Variants in KRCC1 observed in about 807,000 individuals in gnomAD.
KRCC1 encodes the protein lysine-rich coiled-coil protein 1.
In KRCC1, 3 loss-of-function variants were observed where a neutral mutation model predicts 7.4. That is an observed-to-expected ratio of 0.40 (90% CI 0.18 to 1.04). KRCC1 has a LOEUF of 1.04. KRCC1 is among the 50% of genes least tolerant of loss of function. The probability of loss-of-function intolerance (pLI) is 0.33; values close to 1 mark genes in which losing one functional copy is unlikely to be tolerated. For synonymous variants in KRCC1, 102 were observed against 101.6 expected, an observed-to-expected ratio of 1.00 and a Z score of -0.02; for missense variants, 277 against 300.9, an observed-to-expected ratio of 0.92 and a Z score of 0.59.
In KRCC1 at chr2:88,055,694, A is replaced by T. The variant is rs1024229179; in HGVS notation, c.-359T>A. 1 of 153,140 alleles carries T rather than the reference A, an allele frequency of 6.5e-6. No homozygotes were observed. The highest frequency in any genetic ancestry group is 2.4e-5 in the African/African-American group (1 of 41,402). 9.5% of individuals were successfully genotyped at this position (153,140 alleles called of 1,614,324 possible). A position where few individuals can be genotyped will look rare whatever the true frequency, so the allele number is the denominator to read the frequency against. On this transcript the variant is annotated 5_prime_UTR_variant, in exon 1 of 4. Coordinates refer to ENST00000347055, the MANE Select transcript of KRCC1 (RefSeq NM_016618.3). ...CCCCGCCAACGCCGCCAGCCAGGGG[A>T]TAAGCCGCGGTGGAGGTGGCGGAGA...
chr2:88,052,765 C>A (rs995031948), intron 1 of KRCC1, among the ~76,000 whole-genome samples: 1 of 152,196 alleles, frequency 6.6e-6, no homozygotes, highest in African/African-American at 2.4e-5. Context: ...ATAACTGTTA[C>A]ATGCATGTTG....
Position 88,028,025 on chromosome 2 carries a change from C to A in KRCC1, c.539G>T (p.Arg180Ile). The change falls in exon 4 of 4, where the codon AGA (arginine) becomes ATA (isoleucine). Residue 180 changes from arginine to isoleucine, a missense_variant. Coordinates refer to ENST00000347055, the MANE Select transcript of KRCC1 (RefSeq NM_016618.3). ...KSEEERSKHK[R>I]KKSCEEIDLD... ...GTCAATTTCCTCGCAGCTTTTTTTT[C>A]TCTTATGCTTAGACCGCTCCTCCTC... is the stretch of plus-strand genomic sequence containing the variant. The A allele has an allele frequency of 3.1e-6, 5 of 1,613,320 alleles. No individual in the cohort carries two copies. Among genetic ancestry groups the A allele is most frequent in the Non-Finnish European group, 4.2e-6 (5 of 1,179,860 alleles).
Position 88,033,479 on chromosome 2 carries a change from T to C in KRCC1, c.-23+655A>G, listed in dbSNP as rs574660685. ...AGGTGGAGGTTGCAGTGAGCCAAGA[T>C]TGCACCATTGCACTCCAGCCTGGGT... is the stretch of plus-strand genomic sequence containing the variant. On this transcript the variant is annotated intron_variant, in intron 3 of 3. Coordinates refer to ENST00000347055, the MANE Select transcript of KRCC1 (RefSeq NM_016618.3). 7.2e-5 allele frequency among the ~76,000 whole-genome samples: 11 copies of C among 152,258 alleles called. No individual in the cohort carries two copies. In the East Asian group the frequency reaches 1.9e-3, roughly 27 times the overall value.
intron 3 of KRCC1, among the ~76,000 whole-genome samples, chr2:88,032,698 C>T (rs1039312210): frequency 6.6e-6 from 1 of 152,012 alleles, no homozygotes; most frequent in Admixed American, 6.6e-5. Flanking sequence ...AGTGGTATAA[C>T]GATACAATGA....
At chr2:88,054,794 T>C (rs1486768152) in intron 1 of KRCC1, among the ~76,000 whole-genome samples, 1 of 152,208 alleles carries the variant, frequency 6.6e-6, no homozygotes, top group Non-Finnish European at 1.5e-5. Flanking sequence ...CGTGTATCTC[T>C]GACATTGGTA....
intron 1 of KRCC1, among the ~76,000 whole-genome samples, chr2:88,042,195 G>C (rs1014880390): frequency 1.3e-5 from 2 of 151,688 alleles, no homozygotes; most frequent in Admixed American, 1.3e-4. Context: ...TGAGTAGCTG[G>C]GACTACAGGC....
chr2:88,044,964 T>C (rs1406567530), intron 1 of KRCC1, among the ~76,000 whole-genome samples: 21 of 150,668 alleles, frequency 1.4e-4, no homozygotes. Flanking sequence ...GCTCAAATTA[T>C]CCTTCCATCT....
At chr2:88,050,224 G>A (rs1013133671) in intron 1 of KRCC1, among the ~76,000 whole-genome samples, 6 of 152,140 alleles carry the variant, frequency 3.9e-5, no homozygotes, top group East Asian at 1.9e-4. Context: ...GGAAACAAAC[G>A]AAAATATTTT....
rs1173602780 is a variant in KRCC1, at chr2:88,055,616, G to A, written c.-291+10C>T. ...ACCGGGCCGCCCCCGCCGCCGGGGCGGGAACTCACCTTCTCTGAGGCAGGG... is the reference window on the plus strand; with the variant it reads ...ACCGGGCCGCCCCCGCCGCCGGGGCAGGAACTCACCTTCTCTGAGGCAGGG... On this transcript the variant is annotated intron_variant, in intron 1 of 3. Coordinates refer to ENST00000347055, the MANE Select transcript of KRCC1 (RefSeq NM_016618.3). 1 of 152,280 alleles carries A rather than the reference G, an allele frequency of 6.6e-6. No homozygotes were observed. The highest frequency in any genetic ancestry group is 1.5e-5 in the Non-Finnish European group (1 of 68,214). The allele number at this position is 152,280 out of a possible 1,614,324, so 9.4% of individuals were successfully genotyped here.
chr2:88,040,895 C>T lies in KRCC1; in HGVS notation c.-290-3844G>A, dbSNP rs549844712. Among the ~76,000 whole-genome samples the T allele has an allele frequency of 4.6e-5, 7 of 152,016 alleles. No homozygotes were observed. The South Asian group carries it at 1.5e-3, about 32-fold the overall frequency. ...GATGGGTAAAATTTAGAGAAAAAAA[C>T]ATGAGTAAAGAAAGGGTATTCTGGA... On this transcript the variant is annotated intron_variant, in intron 1 of 3. Transcript: ENST00000347055.
intron 1 of KRCC1, among the ~76,000 whole-genome samples, chr2:88,044,659 A>T (rs1238596060): frequency 6.6e-6 from 1 of 152,196 alleles, no homozygotes; most frequent in East Asian, 1.9e-4. Context: ...TAACTTCTTC[A>T]TGCAATAAAC....
intron 1 of KRCC1, among the ~76,000 whole-genome samples, chr2:88,048,350 G>A (rs1229661471): frequency 6.6e-6 from 1 of 152,124 alleles, no homozygotes; most frequent in South Asian, 2.1e-4. Context: ...CCAAAGTGCT[G>A]GGATTACAGG....
chr2:88,055,302 C>A (rs558531669), intron 1 of KRCC1, among the ~76,000 whole-genome samples: 2 of 152,240 alleles, frequency 1.3e-5, no homozygotes, highest in African/African-American at 4.8e-5. Context: ...AGTTTCCTCA[C>A]CCCACTTCCC....
At chr2:88,055,421 C>T (rs1475332747) in intron 1 of KRCC1, among the ~76,000 whole-genome samples, 1 of 152,032 alleles carries the variant, frequency 6.6e-6, no homozygotes, top group African/African-American at 2.4e-5. Flanking sequence ...GCGCCCCTTC[C>T]CTCCGCACTC....
intron 3 of KRCC1, among the ~76,000 whole-genome samples, chr2:88,031,389 AGGTG>A (rs911230902): frequency 1.3e-5 from 2 of 152,068 alleles, no homozygotes; most frequent in Non-Finnish European, 2.9e-5. Flanking sequence ...TTGGGAGGCC[AGGTG>A]GGTGGATCAC....
At chr2:88,036,390 G>A (rs1418389197) in intron 2 of KRCC1, among the ~76,000 whole-genome samples, 1 of 152,148 alleles carries the variant, frequency 6.6e-6, no homozygotes, top group East Asian at 1.9e-4. Flanking sequence ...TCATTTATTG[G>A]CTTAGTCATG....
chr2:88,042,141 A>C (rs1413312084), intron 1 of KRCC1, among the ~76,000 whole-genome samples: 2 of 149,560 alleles, frequency 1.3e-5, no homozygotes, highest in Non-Finnish European at 3.0e-5. Flanking sequence ...GCTCACTGCA[A>C]GCTCCGCCTC....
Position 88,027,689 on chromosome 2 carries a change from T to C in KRCC1, c.*95A>G, listed in dbSNP as rs1430894625. On this transcript the variant is annotated 3_prime_UTR_variant, in exon 4 of 4. Coordinates refer to ENST00000347055, the MANE Select transcript of KRCC1 (RefSeq NM_016618.3). The stretch of plus-strand genomic sequence containing the variant: ...CCTTTGTTAGAAGTTAAAGAACCTA[T>C]TCACATAAGAAAAGTGGTATGAACA... The C allele has an allele frequency of 9.3e-7, 1 of 1,077,778 alleles. No individual in the cohort carries two copies. The highest frequency in any genetic ancestry group is 2.5e-5 in the Admixed American group (1 of 39,514). 66.8% of individuals were successfully genotyped at this position (1,077,778 alleles called of 1,614,324 possible). A position where few individuals can be genotyped will look rare whatever the true frequency, so the allele number is the denominator to read the frequency against.
chr2:88,040,366 T>C (rs1673183561), intron 1 of KRCC1, among the ~76,000 whole-genome samples: 1 of 152,202 alleles, frequency 6.6e-6, no homozygotes, highest in Admixed American at 6.5e-5. Flanking sequence ...ACCTATAACA[T>C]TATTTAGTTC....
Sources: gnomAD v4.1 joint callset for allele counts (sites outside exome capture counted in the v4.1 genomes callset) on GRCh38, gnomAD v4.1.1 for gene constraint, MANE v1.5 for transcripts, NCBI Gene and HGNC (gene_info 2026-07-23, HGNC 2026-07-21) for gene names.